Variants in TAOK3 observed in about 807,000 individuals in gnomAD.
The protein encoded by TAOK3 is TAO kinase 3.
In TAOK3, 40 loss-of-function variants were observed where a neutral mutation model predicts 120.4. The ratio of observed to expected loss-of-function variants is 0.33; its 90% CI spans 0.26 to 0.43. The LOEUF (loss-of-function observed/expected upper bound fraction) is 0.43. Ranked by LOEUF, TAOK3 falls within the 20% of genes least tolerant of loss-of-function variation. The probability of loss-of-function intolerance (pLI) is 1.00; values close to 1 mark genes in which losing one functional copy is unlikely to be tolerated. For synonymous variants in TAOK3, 355 were observed against 387.5 expected (o/e 0.92, Z 0.99); for missense variants, 821 against 1,112.1 (o/e 0.74, Z 3.72).
chr12:118,233,436 C>CATAA (rs1053269019), intron 9 of TAOK3, among the ~76,000 whole-genome samples: 1 of 150,026 alleles, frequency 6.7e-6, no homozygotes, highest in Admixed American at 6.6e-5. Context: ...TAAATAAATA[C>CATAA]ATAAATAAAT....
At position 118,181,365 on chromosome 12, in the gene TAOK3, A is replaced by G; in HGVS notation, c.1566+6T>C. 6.2e-7 allele frequency: 1 copy of G among 1,611,536 alleles called. No individual in the cohort carries two copies. The highest frequency in any genetic ancestry group is 8.5e-7 in the Non-Finnish European group (1 of 1,178,158). ...GTGGCATGAAGGCGTGTGTGCACAT[A>G]CTGACCTCCTTTTCTATGATAGCCA... On this transcript the variant is annotated splice_donor_region_variant and intron_variant, in intron 15 of 20. Transcript: ENST00000392533.
intron 13 of TAOK3, among the ~76,000 whole-genome samples, chr12:118,194,612 CTTTTT>C (rs58866768): frequency 3.1e-5 from 3 of 98,166 alleles, no homozygotes; most frequent in Non-Finnish European, 6.4e-5. Flanking sequence ...AAGGACATTT[CTTTTT>C]TTTTTTTTTT....
In TAOK3 at chr12:118,196,466, G is replaced by A. The variant is rs572362979; in HGVS notation, c.1194+2585C>T. 4.6e-5 allele frequency among the ~76,000 whole-genome samples: 7 copies of A among 151,918 alleles called. No homozygotes were observed. In the East Asian group the frequency reaches 9.7e-4, roughly 21 times the overall value. On this transcript the variant is annotated intron_variant, in intron 13 of 20. Transcript: ENST00000392533. ...TTTAAGATATGTCTGCTTGTGAGCCGAGATTGCACCACTGCACTCCAGCCT... is the reference window on the plus strand; with the variant it reads ...TTTAAGATATGTCTGCTTGTGAGCCAAGATTGCACCACTGCACTCCAGCCT...
intron 4 of TAOK3, 113 bp from the exon 5 acceptor site, chr12:118,243,629 T>G (rs1164072524): frequency 1.1e-5 from 5 of 463,698 alleles, no homozygotes; most frequent in African/African-American, 1.0e-4. Flanking sequence ...ATAAAGTAAA[T>G]GTTTAATAAA....
Position 118,151,076 on chromosome 12 carries a change from T to C in TAOK3, c.2618A>G (p.Glu873Gly). ...TCTGAGGCTCTCCATGTCAAAAGTTTCAATCTCTCGCTCTTGCCTTTCCAA... is the reference window on the plus strand; with the variant it reads ...TCTGAGGCTCTCCATGTCAAAAGTTCCAATCTCTCGCTCTTGCCTTTCCAA... ...NLLERQEREI[E>G]TFDMESLRMG... Residue 873 changes from glutamate (E) to glycine (G), a missense_variant, in exon 21 of 21, where the codon GAA (glutamate) becomes GGA (glycine). Glu to Gly is a moderately conservative substitution (Grantham distance 98, BLOSUM62 -2). Coordinates refer to ENST00000392533, the MANE Select transcript of TAOK3 (RefSeq NM_016281.4). 1 of 1,613,958 alleles carries C rather than the reference T, an allele frequency of 6.2e-7. No homozygotes were observed. The highest frequency in any genetic ancestry group is 1.1e-5 in the South Asian group (1 of 91,072).
intron 1 of TAOK3, among the ~76,000 whole-genome samples, chr12:118,351,370 C>A (rs932592689): frequency 6.6e-6 from 1 of 152,060 alleles, no homozygotes; most frequent in Admixed American, 6.6e-5. Flanking sequence ...GAAACATAGT[C>A]CTATTCAGCA....
At chr12:118,339,628 C>A (rs548874678) in intron 1 of TAOK3, among the ~76,000 whole-genome samples, 1 of 151,350 alleles carries the variant, frequency 6.6e-6, no homozygotes, top group Non-Finnish European at 1.5e-5. Context: ...TGCAGTGGTG[C>A]GATCTCGGCT....
chr12:118,325,885 G>A (rs1174406031), intron 1 of TAOK3, among the ~76,000 whole-genome samples: 5 of 152,102 alleles, frequency 3.3e-5, no homozygotes, highest in African/African-American at 1.2e-4. Context: ...TCACTATGCT[G>A]GCTAGGCTGG....
rs968433227 is a variant in TAOK3 at position 118,161,280 on chromosome 12, G to T, written c.2139+508C>A. Among the ~76,000 whole-genome samples the T allele has an allele frequency of 7.9e-5, 12 of 152,338 alleles. No individual in the cohort carries two copies. The highest frequency in any genetic ancestry group is 7.8e-4 in the Admixed American group (12 of 15,302). On this transcript the variant is annotated intron_variant, in intron 18 of 20. Transcript: ENST00000392533. This position sits in a 1 kb window ranked among gnomAD's most constrained non-coding sequence, Gnocchi z 4.5. ...GCTGGAGGCAGTGAGGGCTACAGGA[G>T]TTCCTCCACATCTCTGCATCTCTAG... is the stretch of plus-strand genomic sequence containing the variant.
chr12:118,366,700 C>A (rs781044420), intron 1 of TAOK3, among the ~76,000 whole-genome samples: 7 of 152,316 alleles, frequency 4.6e-5, no homozygotes, highest in Non-Finnish European at 1.0e-4. Flanking sequence ...GGGCCCAGAA[C>A]ACTAGACTCC....
At chr12:118,246,539 T>A in intron 3 of TAOK3, 1 of 1,543,594 alleles carries the variant, frequency 6.5e-7, no homozygotes, top group South Asian at 1.1e-5. Flanking sequence ...CCGCCATCCG[T>A]GGGGCCATCA....
Position 118,319,819 on chromosome 12 carries a change from C to T in TAOK3, c.-194+52829G>A, listed in dbSNP as rs540615953. ...CCTCAAAAAGTTATACATAGAATTA[C>T]CATGACTCAGCAACTCTACTCCCAG... On this transcript the variant is annotated intron_variant, in intron 1 of 20. Coordinates refer to ENST00000392533, the MANE Select transcript of TAOK3 (RefSeq NM_016281.4). Among the ~76,000 whole-genome samples, 4 of 152,206 alleles carry T rather than the reference C, an allele frequency of 2.6e-5. No homozygotes were observed. The South Asian group carries it at 6.2e-4, about 24-fold the overall frequency.
intron 1 of TAOK3, among the ~76,000 whole-genome samples, chr12:118,350,652 A>G (rs879591317): frequency 2.0e-5 from 3 of 151,784 alleles, no homozygotes; most frequent in Non-Finnish European, 4.4e-5. Flanking sequence ...TTAGGTCAGG[A>G]GTTCGAGACC....
chr12:118,251,075 C>T (rs951399307), intron 3 of TAOK3, among the ~76,000 whole-genome samples: 3 of 151,974 alleles, frequency 2.0e-5, no homozygotes, highest in East Asian at 1.9e-4. Context: ...GGCCTAAGAA[C>T]GAGGGAGAGC....
At position 118,207,509 on chromosome 12, in the gene TAOK3, G is replaced by A. The variant is rs569850600; in HGVS notation, c.819+5405C>T. On this transcript the variant is annotated intron_variant, in intron 11 of 20. Transcript: ENST00000392533. ...ATACAAGCTAATTTTATGTATAATC[G>A]ATTTAATTAAGGTATATTTGAATTT... 9.2e-5 allele frequency among the ~76,000 whole-genome samples: 14 copies of A among 152,030 alleles called. No homozygotes were observed. In the East Asian group the frequency reaches 2.7e-3, roughly 30 times the overall value.
chr12:118,289,312 A>C (rs1024578759), intron 1 of TAOK3, among the ~76,000 whole-genome samples: 1 of 151,406 alleles, frequency 6.6e-6, no homozygotes, highest in Admixed American at 6.6e-5. Context: ...AAAAAAAAAA[A>C]AAAAAGAAAA....
Position 118,150,968 on chromosome 12 carries a change from TTTTTTTG to T in TAOK3, c.*22_*28del. 6.5e-7 allele frequency: 1 copy of T among 1,533,022 alleles called. No individual in the cohort carries two copies. Among genetic ancestry groups the T allele is most frequent in the Non-Finnish European group, 8.7e-7 (1 of 1,147,140 alleles). 95.0% of individuals were successfully genotyped at this position (1,533,022 alleles called of 1,614,324 possible). On this transcript the variant is annotated 3_prime_UTR_variant, in exon 21 of 21. Transcript: ENST00000392533. ...TTTTTTCTGTTTTCTTTTTTTTTTT[TTTTTTTG>T]TAAATGGCAAAAAATTTAATCTCAT... is the stretch of plus-strand genomic sequence containing the variant.
At chr12:118,213,018 GA>G in intron 10 of TAOK3, 23 bp from the exon 11 acceptor site, 2 of 1,510,876 alleles carry the variant, frequency 1.3e-6, no homozygotes, top group Non-Finnish European at 1.8e-6. Flanking sequence ...ATACACAAAA[GA>G]AAATAAACTC....
intron 1 of TAOK3, among the ~76,000 whole-genome samples, chr12:118,364,776 G>A (rs1397730362): frequency 1.3e-5 from 2 of 152,108 alleles, no homozygotes; most frequent in African/African-American, 2.4e-5. Context: ...ATGGTGGCGG[G>A]TGCCTGTAAT....
Sources: allele counts gnomAD v4.1 joint callset (sites outside exome capture counted in the v4.1 genomes callset), GRCh38; gene constraint gnomAD v4.1.1; non-coding constraint Gnocchi (gnomAD v3.1); transcripts MANE v1.5; gene names NCBI Gene and HGNC (gene_info 2026-07-23, HGNC 2026-07-21).